MYO1D: variants seen among roughly 807,000 people sequenced by gnomAD.
MYO1D encodes the protein unconventional myosin-Id.
A neutral mutation model predicts 122.0 loss-of-function variants in MYO1D; 83 were observed. The observed-to-expected ratio is 0.68, with a 90% CI of 0.57 to 0.82. The LOEUF (loss-of-function observed/expected upper bound fraction) is 0.82, where lower values mean the gene tolerates loss of function less well. Ranked by LOEUF, MYO1D falls within the 40% of genes least tolerant of loss-of-function variation. The pLI, the probability that MYO1D is intolerant of heterozygous loss-of-function variation, is 0.00. For synonymous variants in MYO1D, 464 were observed against 446.9 expected (o/e 1.04, Z -0.48); for missense variants, 1,157 against 1,269.5 (o/e 0.91, Z 1.35).
chr17:32,768,610 T>G (rs910884996), intron 6 of MYO1D, among the ~76,000 whole-genome samples: 2 of 152,170 alleles, frequency 1.3e-5, no homozygotes, highest in Non-Finnish European at 2.9e-5. Flanking sequence ...TGAGTACAAG[T>G]TCCTCTAGTG....
chr17:32,724,736 G>A (rs888171026), intron 14 of MYO1D, among the ~76,000 whole-genome samples: 4 of 152,180 alleles, frequency 2.6e-5, no homozygotes, highest in African/African-American at 7.2e-5. Flanking sequence ...TAAGGATGAA[G>A]TAGAAGGAGG....
At chr17:32,556,865 C>A (rs1294534266) in intron 21 of MYO1D, among the ~76,000 whole-genome samples, 3 of 152,136 alleles carry the variant, frequency 2.0e-5, no homozygotes. Flanking sequence ...GTGCTAAACT[C>A]CCTAACCTAA....
intron 7 of MYO1D, among the ~76,000 whole-genome samples, chr17:32,766,923 T>C (rs911369385): frequency 2.6e-5 from 4 of 152,204 alleles, no homozygotes; most frequent in Admixed American, 2.0e-4. Flanking sequence ...TCAGGAACAT[T>C]TATTGTTTAT....
At chr17:32,712,522 T>G (rs533282735) in intron 15 of MYO1D, among the ~76,000 whole-genome samples, 1 of 152,260 alleles carries the variant, frequency 6.6e-6, no homozygotes, top group South Asian at 2.1e-4. Context: ...GGTGGCTCTG[T>G]CATGGGTCCT....
At chr17:32,543,583 C>CAAAT (rs552539854) in intron 21 of MYO1D, among the ~76,000 whole-genome samples, 17,849 of 150,196 alleles carry the variant, frequency 0.12, 1,258 homozygotes, top group Middle Eastern at 0.18. Context: ...CAAAAACAAA[C>CAAAT]AAATAAATAA....
intron 1 of MYO1D, among the ~76,000 whole-genome samples, chr17:32,845,016 G>A (rs1257072914): frequency 4.0e-5 from 6 of 150,470 alleles, no homozygotes; most frequent in East Asian, 1.9e-4. Flanking sequence ...ACATATTCAC[G>A]TTTCTAAAAA....
Position 32,866,168 on chromosome 17 carries a change from C to A in MYO1D, c.95+10610G>T, listed in dbSNP as rs2091122936. Reference sequence around the variant, plus strand: ...AGTAGCTGGGACCACAGGCATGGGTCATTGCACCTGGCTCCTCAGTAATGT... The same window carrying A: ...AGTAGCTGGGACCACAGGCATGGGTAATTGCACCTGGCTCCTCAGTAATGT... On this transcript the variant is annotated intron_variant, in intron 1 of 21. Coordinates refer to ENST00000318217, the MANE Select transcript of MYO1D (RefSeq NM_015194.3). Among the ~76,000 whole-genome samples, 3 of 152,288 alleles carry A rather than the reference C, an allele frequency of 2.0e-5. No individual in the cohort carries two copies. The South Asian group carries it at 6.2e-4, about 32-fold the overall frequency.
intron 21 of MYO1D, among the ~76,000 whole-genome samples, chr17:32,533,067 A>C (rs554310170): frequency 6.6e-6 from 1 of 152,202 alleles, no homozygotes; most frequent in African/African-American, 2.4e-5. Flanking sequence ...CTACTCTTTT[A>C]CCATTCCTTT....
chr17:32,738,253 C>T lies in MYO1D; in HGVS notation c.1746G>A (p.Lys582=). 1.3e-6 allele frequency: 2 copies of T among 1,587,168 alleles called. No homozygotes were observed. The highest frequency in any genetic ancestry group is 1.2e-5 in the South Asian group (1 of 84,280). Reference sequence around the variant, plus strand: ...GATATTTAGAAAAGAAAATAATTACCTTTGATGCAAGGTTGTCTACTAGAG... The same window carrying T: ...GATATTTAGAAAAGAAAATAATTACTTTTGATGCAAGGTTGTCTACTAGAG... ...MIALVDNLAS[K]EPYYVRCIKP... Residue 582 remains lysine, a splice_region_variant and synonymous_variant, in exon 14 of 22, where the codon AAG becomes AAA. Transcript: ENST00000318217.
chr17:32,666,749 G>A (rs2088641585), intron 16 of MYO1D, among the ~76,000 whole-genome samples: 1 of 152,138 alleles, frequency 6.6e-6, no homozygotes, highest in South Asian at 2.1e-4. Context: ...TATGGGCATT[G>A]GGGGCTCTTT....
Position 32,659,315 on chromosome 17 carries a change from G to A in MYO1D, c.2145C>T (p.Arg715=). Residue 715 remains arginine, a synonymous_variant, in exon 17 of 22, where the codon CGC becomes CGT. Transcript: ENST00000318217. ...CTGCCTTGGTTCTTTTGTACCGCAT[G>A]CGGGCCAGGGTGCCCCGCCACACCT... ...LQKVWRGTLA[R]MRYKRTKAAL... The A allele has an allele frequency of 3.1e-6, 5 of 1,614,150 alleles. No homozygotes were observed. The highest frequency in any genetic ancestry group is 4.2e-6 in the Non-Finnish European group (5 of 1,180,022).
intron 1 of MYO1D, among the ~76,000 whole-genome samples, chr17:32,875,965 G>A (rs865932690): frequency 6.6e-6 from 1 of 152,138 alleles, no homozygotes; most frequent in South Asian, 2.1e-4. Flanking sequence ...CGCATGTAAA[G>A]GGCTTTCTAA....
intron 21 of MYO1D, among the ~76,000 whole-genome samples, chr17:32,569,069 G>A (rs901889150): frequency 6.6e-6 from 1 of 152,140 alleles, no homozygotes; most frequent in Non-Finnish European, 1.5e-5. Flanking sequence ...TAAATCCCAC[G>A]ACTAGATAAT....
At chr17:32,535,887 A>C (rs994727837) in intron 21 of MYO1D, among the ~76,000 whole-genome samples, 1 of 152,252 alleles carries the variant, frequency 6.6e-6, no homozygotes, top group Non-Finnish European at 1.5e-5. Flanking sequence ...TTGAGGGAGA[A>C]GGGCAAATTT....
chr17:32,557,731 T>C (rs980666411), intron 21 of MYO1D, among the ~76,000 whole-genome samples: 3 of 152,024 alleles, frequency 2.0e-5, no homozygotes, highest in Admixed American at 6.5e-5. Flanking sequence ...AGAGGAAAGA[T>C]GGTAAATATT....
chr17:32,700,202 T>C (rs1310201391), intron 16 of MYO1D, among the ~76,000 whole-genome samples: 1 of 152,338 alleles, frequency 6.6e-6, no homozygotes, highest in Admixed American at 6.5e-5. Flanking sequence ...TTCTATGGAC[T>C]GGGAGGTGGT....
At chr17:32,638,151 A>T (rs1047355948) in intron 20 of MYO1D, among the ~76,000 whole-genome samples, 5 of 152,226 alleles carry the variant, frequency 3.3e-5, no homozygotes, top group African/African-American at 9.6e-5. Context: ...AATTACAAAC[A>T]AACAAACTCA....
chr17:32,632,784 T>C (rs1006171981), intron 20 of MYO1D, among the ~76,000 whole-genome samples: 13 of 152,112 alleles, frequency 8.5e-5, no homozygotes, highest in Non-Finnish European at 1.5e-5. Flanking sequence ...TGGGAATTTA[T>C]TGTAATTTTT....
chr17:32,738,451 A>T, intron 13 of MYO1D, 66 bp from the exon 14 acceptor site: 3 of 1,436,100 alleles, frequency 2.1e-6, no homozygotes, highest in Non-Finnish European at 2.8e-6. Flanking sequence ...ACTGATAAGC[A>T]ATTCTGCTGA....
Sources: gnomAD v4.1 joint callset for allele counts (sites outside exome capture counted in the v4.1 genomes callset) on GRCh38, gnomAD v4.1.1 for gene constraint, MANE v1.5 for transcripts, NCBI Gene and HGNC (gene_info 2026-07-23, HGNC 2026-07-21) for gene names.